ALCAM: variants seen among roughly 807,000 people sequenced by gnomAD.
ALCAM encodes the protein activated leukocyte cell adhesion molecule.
ALCAM carries 30 observed loss-of-function variants against 70.9 expected under a neutral mutation model. The ratio of observed to expected loss-of-function variants is 0.42; its 90% CI spans 0.32 to 0.57. The LOEUF (loss-of-function observed/expected upper bound fraction) is 0.57. Among genes scored for constraint, ALCAM ranks in the 20% least tolerant of loss-of-function variants. The pLI, the probability that ALCAM is intolerant of heterozygous loss-of-function variation, is 0.11. For synonymous variants in ALCAM, 249 were observed against 242.5 expected, an observed-to-expected ratio of 1.03 and a Z score of -0.25; for missense variants, 591 against 695.1, an observed-to-expected ratio of 0.85 and a Z score of 1.68.
At chr3:105,521,568 A>G (rs1939546497) in intron 2 of ALCAM, among the ~76,000 whole-genome samples, 1 of 152,174 alleles carries the variant, frequency 6.6e-6, no homozygotes, top group Admixed American at 6.5e-5. Context: ...AGGTTCCACA[A>G]TGTGCTCACT....
chr3:105,403,818 C>T (rs559178646), intron 1 of ALCAM, among the ~76,000 whole-genome samples: 2 of 151,230 alleles, frequency 1.3e-5, no homozygotes, highest in Non-Finnish European at 3.0e-5. Flanking sequence ...TGAAGTCCAA[C>T]TTAATGAAAT....
chr3:105,413,425 C>G (rs1936435406), intron 1 of ALCAM, among the ~76,000 whole-genome samples: 1 of 152,070 alleles, frequency 6.6e-6, no homozygotes, highest in South Asian at 2.1e-4. Flanking sequence ...GTGTCTCCAT[C>G]TTCTCTCTAC....
At chr3:105,408,028 A>G (rs1471566528) in intron 1 of ALCAM, among the ~76,000 whole-genome samples, 1 of 152,120 alleles carries the variant, frequency 6.6e-6, no homozygotes, top group African/African-American at 2.4e-5. Context: ...CTTACAAAGA[A>G]AACTACAAAA....
intron 13 of ALCAM, 34 bp from the exon 14 acceptor site, chr3:105,552,434 C>T: frequency 6.3e-7 from 1 of 1,592,550 alleles, no homozygotes; most frequent in Non-Finnish European, 8.6e-7. Flanking sequence ...TTGGCATTGT[C>T]TGTAATTGCA....
intron 1 of ALCAM, among the ~76,000 whole-genome samples, chr3:105,441,453 A>G (rs888256704): frequency 2.0e-5 from 3 of 152,206 alleles, no homozygotes; most frequent in South Asian, 2.1e-4. Context: ...TGTATAGCTC[A>G]TTAGTTCCCT....
intron 1 of ALCAM, among the ~76,000 whole-genome samples, chr3:105,442,418 A>C (rs1937192240): frequency 6.6e-6 from 1 of 152,212 alleles, no homozygotes; most frequent in East Asian, 1.9e-4. Flanking sequence ...TTCTTAGGAT[A>C]AGTGAGAAAA....
intron 1 of ALCAM, among the ~76,000 whole-genome samples, chr3:105,480,058 C>A (rs896154263): frequency 1.2e-4 from 18 of 151,988 alleles, no homozygotes; most frequent in Non-Finnish European, 4.4e-5. Flanking sequence ...TGATGCCCCC[C>A]AAAAAACACA....
At chr3:105,388,792 A>G (rs1935722389) in intron 1 of ALCAM, among the ~76,000 whole-genome samples, 1 of 151,568 alleles carries the variant, frequency 6.6e-6, no homozygotes, top group African/African-American at 2.4e-5. Context: ...TTAGATTCCA[A>G]ATGGTCCTAA....
rs185195865 is a variant in ALCAM, at chr3:105,446,759, G to A, written c.74-73308G>A. ...AGGTGAAATAAGCAAGACAAAGAAA[G>A]ACAAAGGCCTTCCTTATTATCTCAC... On this transcript the variant is annotated intron_variant, in intron 1 of 15. Transcript: ENST00000306107. Among the ~76,000 whole-genome samples the A allele has an allele frequency of 1.1e-4, 16 of 152,078 alleles. No individual in the cohort carries two copies. The East Asian group carries it at 2.9e-3, about 28-fold the overall frequency.
At chr3:105,435,805 T>A (rs1354681666) in intron 1 of ALCAM, among the ~76,000 whole-genome samples, 2 of 152,198 alleles carry the variant, frequency 1.3e-5, no homozygotes, top group African/African-American at 2.4e-5. Context: ...GTTTGTTTTT[T>A]TTTGAGACGG....
intron 1 of ALCAM, among the ~76,000 whole-genome samples, chr3:105,432,026 G>C (rs1281958397): frequency 6.6e-6 from 1 of 151,996 alleles, no homozygotes; most frequent in African/African-American, 2.4e-5. Context: ...AAAAACGAAA[G>C]AATAAGCTAA....
Position 105,367,398 on chromosome 3 carries a change from G to A in ALCAM, c.-11G>A. 6.2e-7 allele frequency: 1 copy of A among 1,613,752 alleles called. No individual in the cohort carries two copies. Among genetic ancestry groups the A allele is most frequent in the South Asian group, 1.1e-5 (1 of 91,076 alleles). ...GACTCCGTCAGTGGCCCACCAAGAA[G>A]GAGGAGGAATATGGAATCCAAGGGG... On this transcript the variant is annotated 5_prime_UTR_variant, in exon 1 of 16. Coordinates refer to ENST00000306107, the MANE Select transcript of ALCAM (RefSeq NM_001627.4).
chr3:105,369,116 G>A (rs1444554138), intron 1 of ALCAM, among the ~76,000 whole-genome samples: 2 of 152,250 alleles, frequency 1.3e-5, no homozygotes, highest in African/African-American at 4.8e-5. Flanking sequence ...TTTGTAACAT[G>A]CAAACGTCCA....
In ALCAM at chr3:105,534,933, C is replaced by G. The variant is rs1317919176; in HGVS notation, c.730+88C>G. 3 of 1,287,572 alleles carry G rather than the reference C, an allele frequency of 2.3e-6. No individual in the cohort carries two copies. In the East Asian group the frequency reaches 7.7e-5, roughly 33 times the overall value. The allele number at this position is 1,287,572 out of a possible 1,614,324, so 79.8% of individuals were successfully genotyped here. A position where few individuals can be genotyped will look rare whatever the true frequency, so the allele number is the denominator to read the frequency against. ...AATCTTTGAGGTCCCAATCCAATTA[C>G]TCTTTGAATTCTGCTTCCAGTCTGC... On this transcript the variant is annotated intron_variant, in intron 6 of 15. Transcript: ENST00000306107.
intron 1 of ALCAM, among the ~76,000 whole-genome samples, chr3:105,434,808 T>G (rs533889721): frequency 1.3e-5 from 2 of 152,312 alleles, no homozygotes; most frequent in South Asian, 4.1e-4. Context: ...AAATGAGGTC[T>G]TATTTAGTTG....
intron 1 of ALCAM, among the ~76,000 whole-genome samples, chr3:105,483,949 C>T (rs1938349132): frequency 6.6e-6 from 1 of 152,084 alleles, no homozygotes; most frequent in Admixed American, 6.6e-5. Flanking sequence ...TTTTTAACAA[C>T]TTACCTGTTC....
At chr3:105,373,984 T>C (rs769912600) in intron 1 of ALCAM, among the ~76,000 whole-genome samples, 4 of 152,188 alleles carry the variant, frequency 2.6e-5, no homozygotes, top group Non-Finnish European at 5.9e-5. Flanking sequence ...CAAGACCTGA[T>C]GGCACTTTAG....
intron 1 of ALCAM, among the ~76,000 whole-genome samples, chr3:105,446,943 C>A (rs1937314813): frequency 6.6e-6 from 1 of 151,906 alleles, no homozygotes; most frequent in African/African-American, 2.4e-5. Context: ...TGTTCTATTG[C>A]ACAGTAGAAT....
At chr3:105,435,319 A>C (rs1278303608) in intron 1 of ALCAM, among the ~76,000 whole-genome samples, 1 of 152,246 alleles carries the variant, frequency 6.6e-6, no homozygotes, top group Admixed American at 6.5e-5. Context: ...AGCTGTTAAC[A>C]GTAAAATAAA....
Sources: allele counts gnomAD v4.1 joint callset (sites outside exome capture counted in the v4.1 genomes callset), GRCh38; gene constraint gnomAD v4.1.1; transcripts MANE v1.5; gene names NCBI Gene and HGNC (gene_info 2026-07-23, HGNC 2026-07-21).